The following B3GALT6 variants were observed in gnomAD, a reference collection of about 807,000 sequenced individuals.
B3GALT6 encodes beta-1,3-galactosyltransferase 6, also known as GAG GalTII.
A neutral mutation model predicts 23.3 loss-of-function variants in B3GALT6; 27 were observed. The observed-to-expected ratio is 1.16, with a 90% CI of 0.85 to 1.60. The LOEUF (loss-of-function observed/expected upper bound fraction) is 1.60. Ranked by LOEUF, B3GALT6 falls within the 40% of genes most tolerant of loss-of-function variation. B3GALT6 has a pLI of 0.00. For synonymous variants in B3GALT6, 313 were observed against 232.3 expected (o/e 1.35, Z -3.16); for missense variants, 554 against 471.1 (o/e 1.18, Z -1.63).
At position 1,233,523 on chromosome 1, in the gene B3GALT6, C is replaced by A. The variant is rs1638586709; in HGVS notation, c.*255C>A. On this transcript the variant is annotated 3_prime_UTR_variant, in exon 1 of 1. Transcript: ENST00000379198. ...GCCGCACGCTGACCCCCGTGCTGTCCCCGACCGGCTCACGGGGCTGGGCTC... is the reference window on the plus strand; with the variant it reads ...GCCGCACGCTGACCCCCGTGCTGTCACCGACCGGCTCACGGGGCTGGGCTC... 2.5e-6 allele frequency: 1 copy of A among 402,786 alleles called. No individual in the cohort carries two copies. The highest frequency in any genetic ancestry group is 4.5e-6 in the Non-Finnish European group (1 of 222,000). 25.0% of individuals were successfully genotyped at this position (402,786 alleles called of 1,614,324 possible).
In B3GALT6 at chr1:1,234,125, A is replaced by G. The variant is rs1055688157; in HGVS notation, c.*857A>G. ...CCCTCGTTTAATGAGAAAAGCGAAC[A>G]CTGCGGTCCTTGCCAAAGTAAAATG... On this transcript the variant is annotated 3_prime_UTR_variant, in exon 1 of 1. Transcript: ENST00000379198. 6 of 166,888 alleles carry G rather than the reference A, an allele frequency of 3.6e-5. No homozygotes were observed. Among genetic ancestry groups the G allele is most frequent in the Admixed American group, 1.3e-4 (2 of 15,286 alleles). The allele number at this position is 166,888 out of a possible 1,614,324, so 10.3% of individuals were successfully genotyped here. A position where few individuals can be genotyped will look rare whatever the true frequency, so the allele number is the denominator to read the frequency against.
chr1:1,233,400 G>T lies in B3GALT6; in HGVS notation c.*132G>T, dbSNP rs1638582589. ...CCACGCTTGTGGTCGCTGCGTCCCG[G>T]TCTGCGTTTGGGAGACCCCTGGGGG... On this transcript the variant is annotated 3_prime_UTR_variant, in exon 1 of 1. Coordinates refer to ENST00000379198, the MANE Select transcript of B3GALT6 (RefSeq NM_080605.4). The T allele has an allele frequency of 2.4e-6, 3 of 1,229,214 alleles. No individual in the cohort carries two copies. The highest frequency in any genetic ancestry group is 1.6e-5 in the African/African-American group (1 of 61,578). 76.1% of individuals were successfully genotyped at this position (1,229,214 alleles called of 1,614,324 possible). A position where few individuals can be genotyped will look rare whatever the true frequency, so the allele number is the denominator to read the frequency against.
rs1259798833 is a variant in B3GALT6, at chr1:1,233,813, C to T, written c.*545C>T. On this transcript the variant is annotated 3_prime_UTR_variant, in exon 1 of 1. Coordinates refer to ENST00000379198, the MANE Select transcript of B3GALT6 (RefSeq NM_080605.4). ...GAACTTGGTGCCTGTACCGTCAACCCCGCTGCTGCCCGTGTTTAAACGCAG... is the reference window on the plus strand; with the variant it reads ...GAACTTGGTGCCTGTACCGTCAACCTCGCTGCTGCCCGTGTTTAAACGCAG... The T allele has an allele frequency of 1.2e-5, 2 of 167,154 alleles. No homozygotes were observed. Among genetic ancestry groups the T allele is most frequent in the African/African-American group, 2.4e-5 (1 of 41,468 alleles). 10.4% of individuals were successfully genotyped at this position (167,154 alleles called of 1,614,324 possible). A position where few individuals can be genotyped will look rare whatever the true frequency, so the allele number is the denominator to read the frequency against.
Position 1,232,374 on chromosome 1 carries a change from C to T in B3GALT6, c.96C>T (p.Cys32=), listed in dbSNP as rs1638533555. The change falls in exon 1 of 1, where the codon TGC becomes TGT. Residue 32 remains cysteine, a synonymous_variant. Coordinates refer to ENST00000379198, the MANE Select transcript of B3GALT6 (RefSeq NM_080605.4). The stretch of plus-strand genomic sequence containing the variant: ...CGGCGCTGCTCTACCTGGCGCGCTG[C>T]GCGGCCGAGCCCGGGGACCCCAGGG... ...CGAALLYLAR[C]AAEPGDPRAM... is the part of the protein sequence containing the mutation. The T allele has an allele frequency of 1.9e-5, 19 of 986,630 alleles. No individual in the cohort carries two copies. Among genetic ancestry groups the T allele is most frequent in the Non-Finnish European group, 2.3e-5 (19 of 832,148 alleles). 61.1% of individuals were successfully genotyped at this position (986,630 alleles called of 1,614,324 possible).
Position 1,232,954 on chromosome 1 carries a change from CACTACCTGCGCCTCAGCCGCG to C in B3GALT6, c.688_708del (p.Leu230_Arg236del). On this transcript the variant is annotated inframe_deletion, in exon 1 of 1. Transcript: ENST00000379198. Reference sequence around the variant, plus strand: ...CTACGTGCTCTCGGCCGACCTGGTGCACTACCTGCGCCTCAGCCGCGACTACCTGCGCGCCTGGCACAGCGA... The same window carrying C: ...CTACGTGCTCTCGGCCGACCTGGTGCACTACCTGCGCGCCTGGCACAGCGA... 6.4e-7 allele frequency: 1 copy of C among 1,564,812 alleles called. No homozygotes were observed.
In B3GALT6 at chr1:1,233,453, T is replaced by C; in HGVS notation, c.*185T>C. 1.3e-6 allele frequency: 1 copy of C among 767,376 alleles called. No homozygotes were observed. Among genetic ancestry groups the C allele is most frequent in the Non-Finnish European group, 1.9e-6 (1 of 534,252 alleles). The allele number at this position is 767,376 out of a possible 1,614,324, so 47.5% of individuals were successfully genotyped here. ...GCCGGGGCAGCGCGCCGTGTCCAGG[T>C]GGAGGTGCCCGTTCCTGGACCTCAG... On this transcript the variant is annotated 3_prime_UTR_variant, in exon 1 of 1. Coordinates refer to ENST00000379198, the MANE Select transcript of B3GALT6 (RefSeq NM_080605.4).
rs1570498417 is a variant in B3GALT6, at chr1:1,232,662, C to T, written c.384C>T (p.Ala128=). The change falls in exon 1 of 1, where the codon GCC becomes GCT. Residue 128 remains alanine (A), a synonymous_variant. Transcript: ENST00000379198. The part of the protein sequence containing the change: ...DLLLLPALRD[A]YENLTAKVLA... ...TGCTGCTGCCCGCGCTGCGCGACGC[C>T]TACGAAAACCTCACGGCCAAGGTGC... 1.5e-6 allele frequency: 2 copies of T among 1,329,974 alleles called. No homozygotes were observed. The highest frequency in any genetic ancestry group is 3.0e-5 in the East Asian group (1 of 33,876). 82.4% of individuals were successfully genotyped at this position (1,329,974 alleles called of 1,614,324 possible). A position where few individuals can be genotyped will look rare whatever the true frequency, so the allele number is the denominator to read the frequency against.
chr1:1,232,683 GGTGCTGGCC>G lies in B3GALT6; in HGVS notation c.406_414del (p.Val136_Ala138del). The G allele has an allele frequency of 7.3e-7, 1 of 1,376,116 alleles. No individual in the cohort carries two copies. Among genetic ancestry groups the G allele is most frequent in the Non-Finnish European group, 9.4e-7 (1 of 1,061,162 alleles). The allele number at this position is 1,376,116 out of a possible 1,614,324, so 85.2% of individuals were successfully genotyped here. Reference sequence around the variant, plus strand: ...ACGCCTACGAAAACCTCACGGCCAAGGTGCTGGCCATGCTGGCCTGGCTGGACGAGCACG... The same window carrying G: ...ACGCCTACGAAAACCTCACGGCCAAGATGCTGGCCTGGCTGGACGAGCACG... On this transcript the variant is annotated inframe_deletion, in exon 1 of 1. Transcript: ENST00000379198.
Position 1,234,943 on chromosome 1 carries a change from AAG to A in B3GALT6, c.*1678_*1679del, listed in dbSNP as rs1287501022. The A allele has an allele frequency of 3.0e-5, 5 of 167,006 alleles. No homozygotes were observed. The South Asian group carries it at 8.3e-4, about 28-fold the overall frequency. The allele number at this position is 167,006 out of a possible 1,614,324, so 10.3% of individuals were successfully genotyped here. On this transcript the variant is annotated 3_prime_UTR_variant, in exon 1 of 1. Transcript: ENST00000379198. Reference sequence around the variant, plus strand: ...GCAAATGTCCGAGACCCCCAACAGGAAGAGTCTAAAAATCCAGTTTGCAACCA... The same window carrying A: ...GCAAATGTCCGAGACCCCCAACAGGAAGTCTAAAAATCCAGTTTGCAACCA...
rs1638561815 is a variant in B3GALT6 at position 1,232,936 on chromosome 1, C to T, written c.658C>T (p.Leu220Phe). 5 of 1,564,760 alleles carry T rather than the reference C, an allele frequency of 3.2e-6. No homozygotes were observed. Among genetic ancestry groups the T allele is most frequent in the Non-Finnish European group, 4.3e-6 (5 of 1,163,812 alleles). ...LPYALGGGYV[L>F]SADLVHYLRL... ...CTACGCGCTGGGCGGCGGCTACGTG[C>T]TCTCGGCCGACCTGGTGCACTACCT... Residue 220 changes from leucine to phenylalanine, a missense_variant, in exon 1 of 1, where the codon CTC (leucine) becomes TTC (phenylalanine). Coordinates refer to ENST00000379198, the MANE Select transcript of B3GALT6 (RefSeq NM_080605.4).
In B3GALT6 at chr1:1,232,621, C is replaced by T. The variant is rs751816384; in HGVS notation, c.343C>T (p.Arg115Trp). 30 of 1,250,120 alleles carry T rather than the reference C, an allele frequency of 2.4e-5. No homozygotes were observed. The highest frequency in any genetic ancestry group is 7.1e-5 in the Admixed American group (2 of 28,364). The allele number at this position is 1,250,120 out of a possible 1,614,324, so 77.4% of individuals were successfully genotyped here. Residue 115 changes from arginine (R) to tryptophan (W), a missense_variant, in exon 1 of 1, where the codon CGG (arginine) becomes TGG (tryptophan). Arg to Trp is a moderately radical substitution (Grantham distance 101). Transcript: ENST00000379198. ...GCGCGCCCTGGAGCGGGAGCAGGCG[C>T]GGCACGGGGACCTGCTGCTGCTGCC... ...ERRALEREQA[R>W]HGDLLLLPAL...
rs1638554909 is a variant in B3GALT6, at chr1:1,232,778, T to C, written c.500T>C (p.Leu167Pro). The change falls in exon 1 of 1, where the codon CTG (leucine) becomes CCG (proline). Residue 167 changes from leucine to proline, a missense_variant. By Grantham distance (98) the Leu-to-Pro change is moderately conservative. Coordinates refer to ENST00000379198, the MANE Select transcript of B3GALT6 (RefSeq NM_080605.4). ...TCCTTCGCGCGGCTGGACGCGCTGCTGGCCGAGCTGCGCGCCCGCGAGCCC... is the reference window on the plus strand; with the variant it reads ...TCCTTCGCGCGGCTGGACGCGCTGCCGGCCGAGCTGCGCGCCCGCGAGCCC... ...DDSFARLDAL[L>P]AELRAREPAR... 7.2e-7 allele frequency: 1 copy of C among 1,384,954 alleles called. No individual in the cohort carries two copies. The highest frequency in any genetic ancestry group is 9.3e-7 in the Non-Finnish European group (1 of 1,072,460). The allele number at this position is 1,384,954 out of a possible 1,614,324, so 85.8% of individuals were successfully genotyped here.
chr1:1,232,259 G>C lies in B3GALT6; in HGVS notation c.-20G>C. ...CGCACTCGCGAGTCCGGCCTGGGCC[G>C]CCGGCCCGGCGCGGGCGCCATGAAG... On this transcript the variant is annotated 5_prime_UTR_variant, in exon 1 of 1. Coordinates refer to ENST00000379198, the MANE Select transcript of B3GALT6 (RefSeq NM_080605.4). 1 of 980,650 alleles carries C rather than the reference G, an allele frequency of 1.0e-6. No homozygotes were observed. The highest frequency in any genetic ancestry group is 1.2e-6 in the Non-Finnish European group (1 of 828,186). 60.7% of individuals were successfully genotyped at this position (980,650 alleles called of 1,614,324 possible).
At position 1,232,326 on chromosome 1, in the gene B3GALT6, G is replaced by T; in HGVS notation, c.48G>T (p.Leu16=). The change falls in exon 1 of 1, where the codon CTG becomes CTT. Residue 16 remains leucine, a synonymous_variant. Coordinates refer to ENST00000379198, the MANE Select transcript of B3GALT6 (RefSeq NM_080605.4). ...GGCGGCGGCGGGCGGCGCTAGGCCT[G>T]GGCACGCTGGCGCTGTGCGGGGCGG... ...RAWRRRAALG[L]GTLALCGAAL... The T allele has an allele frequency of 1.0e-6, 1 of 984,062 alleles. No individual in the cohort carries two copies. Among genetic ancestry groups the T allele is most frequent in the South Asian group, 4.5e-5 (1 of 22,122 alleles). 61.0% of individuals were successfully genotyped at this position (984,062 alleles called of 1,614,324 possible). A position where few individuals can be genotyped will look rare whatever the true frequency, so the allele number is the denominator to read the frequency against.
Position 1,233,297 on chromosome 1 carries a change from C to T in B3GALT6, c.*29C>T. The T allele has an allele frequency of 9.9e-6, 14 of 1,409,188 alleles. No homozygotes were observed. The highest frequency in any genetic ancestry group is 5.2e-4 in the Middle Eastern group (2 of 3,848). 87.3% of individuals were successfully genotyped at this position (1,409,188 alleles called of 1,614,324 possible). Reference sequence around the variant, plus strand: ...GCCGCGGCCCGGCCCTCCGGGACACCTGCTTCACCCGGCGGCGCCTTGGGG... The same window carrying T: ...GCCGCGGCCCGGCCCTCCGGGACACTTGCTTCACCCGGCGGCGCCTTGGGG... On this transcript the variant is annotated 3_prime_UTR_variant, in exon 1 of 1. Coordinates refer to ENST00000379198, the MANE Select transcript of B3GALT6 (RefSeq NM_080605.4).
In B3GALT6 at chr1:1,233,065, G is replaced by C; in HGVS notation, c.787G>C (p.Asp263His). The C allele has an allele frequency of 1.3e-6, 2 of 1,551,152 alleles. No individual in the cohort carries two copies. The highest frequency in any genetic ancestry group is 1.7e-6 in the Non-Finnish European group (2 of 1,152,646). Reference sequence around the variant, plus strand: ...CCAGCGGGAGCACGACCCGCGCTTCGACACCGAATACCGGTCCCGCGGCTG... The same window carrying C: ...CCAGCGGGAGCACGACCCGCGCTTCCACACCGAATACCGGTCCCGCGGCTG... The part of the protein sequence containing the change: ...DVQREHDPRF[D>H]TEYRSRGCSN... The change falls in exon 1 of 1, where the codon GAC becomes CAC. Residue 263 changes from aspartate to histidine, a missense_variant. Transcript: ENST00000379198.
At position 1,233,119 on chromosome 1, in the gene B3GALT6, C is replaced by G; in HGVS notation, c.841C>G (p.Gln281Glu). 1 of 1,563,182 alleles carries G rather than the reference C, an allele frequency of 6.4e-7. No individual in the cohort carries two copies. Among genetic ancestry groups the G allele is most frequent in the Non-Finnish European group, 8.6e-7 (1 of 1,158,898 alleles). The change falls in exon 1 of 1, where the codon CAG (glutamine) becomes GAG (glutamate). Residue 281 changes from glutamine (Q) to glutamate (E), a missense_variant. By Grantham distance (29) the Gln-to-Glu change is conservative. Transcript: ENST00000379198. ...CAACCAGTACCTGGTGACGCACAAG[C>G]AGAGCCTGGAGGACATGCTGGAGAA... is the stretch of plus-strand genomic sequence containing the variant. ...CSNQYLVTHK[Q>E]SLEDMLEKHA...
Position 1,233,090 on chromosome 1 carries a change from G to A in B3GALT6, c.812G>A (p.Cys271Tyr). 1 of 1,560,998 alleles carries A rather than the reference G, an allele frequency of 6.4e-7. No individual in the cohort carries two copies. The highest frequency in any genetic ancestry group is 8.6e-7 in the Non-Finnish European group (1 of 1,157,700). Residue 271 changes from cysteine to tyrosine, a missense_variant, in exon 1 of 1, where the codon TGC becomes TAC. Cys to Tyr is a radical substitution (Grantham distance 194). Transcript: ENST00000379198. ...RFDTEYRSRG[C>Y]SNQYLVTHKQ... ...GACACCGAATACCGGTCCCGCGGCT[G>A]CAGCAACCAGTACCTGGTGACGCAC...
chr1:1,233,092 A>T lies in B3GALT6; in HGVS notation c.814A>T (p.Ser272Cys). ...FDTEYRSRGC[S>C]NQYLVTHKQS... ...CACCGAATACCGGTCCCGCGGCTGC[A>T]GCAACCAGTACCTGGTGACGCACAA... The change falls in exon 1 of 1, where the codon AGC (serine) becomes TGC (cysteine). Residue 272 changes from serine to cysteine, a missense_variant. Transcript: ENST00000379198. The T allele has an allele frequency of 6.4e-7, 1 of 1,561,862 alleles. No homozygotes were observed. The highest frequency in any genetic ancestry group is 8.6e-7 in the Non-Finnish European group (1 of 1,158,100).
Sources: gnomAD v4.1 joint callset for allele counts on GRCh38, gnomAD v4.1.1 for gene constraint, MANE v1.5 for transcripts, NCBI Gene and HGNC (gene_info 2026-07-23, HGNC 2026-07-21) for gene names.